RBFOX1: variants seen among roughly 807,000 people sequenced by gnomAD.
RBFOX1 encodes RNA binding fox-1 homolog 1.
A neutral mutation model predicts 57.7 loss-of-function variants in RBFOX1; 8 were observed. The observed-to-expected ratio is 0.14, with a 90% CI of 0.08 to 0.25. RBFOX1 has a LOEUF of 0.25. Ranked by LOEUF, RBFOX1 falls within the 10% of genes least tolerant of loss-of-function variation. RBFOX1 has a pLI of 1.00. For synonymous variants in RBFOX1, 326 were observed against 222.4 expected, an observed-to-expected ratio of 1.47 and a Z score of -4.15; for missense variants, 611 against 548.5, an observed-to-expected ratio of 1.11 and a Z score of -1.14.
At position 5,497,638 on chromosome 16, in the gene RBFOX1, A is replaced by AAAAAAAAAAAAAAAAAAAAAAAAAT. The variant is rs71142625; in HGVS notation, c.258+30384_258+30385insAAAAAAAAAAAAAAAAAAAAAAAAT. Among the ~76,000 whole-genome samples the AAAAAAAAAAAAAAAAAAAAAAAAAT allele has an allele frequency of 4.3e-5, 6 of 139,402 alleles. 1 individual carries two copies. The South Asian group carries it at 6.7e-4, about 16-fold the overall frequency. The allele number at this position is 139,402 out of a possible 152,430, so 91.5% of individuals were successfully genotyped here. A position where few individuals can be genotyped will look rare whatever the true frequency, so the allele number is the denominator to read the frequency against. On this transcript the variant is annotated intron_variant, in intron 2 of 2. Coordinates refer to the RBFOX1 transcript ENST00000585867. ...CTAAAAATACAAAAAAAAAAAAAAA[A>AAAAAAAAAAAAAAAAAAAAAAAAAT]GCTGGGCATGGTGGCACACACTCCC...
intron 2 of RBFOX1, among the ~76,000 whole-genome samples, chr16:5,508,936 C>T (rs562958763): frequency 6.6e-6 from 1 of 152,160 alleles, no homozygotes; most frequent in African/African-American, 2.4e-5. Context: ...GCATAGGAAC[C>T]CTCTACGTCT....
intron 7 of RBFOX1, among the ~76,000 whole-genome samples, chr16:7,588,843 A>C (rs1003047781): frequency 6.6e-6 from 1 of 152,098 alleles, no homozygotes; most frequent in Non-Finnish European, 1.5e-5. Flanking sequence ...AACTAGGATG[A>C]TGTTGATCAT....
At chr16:6,414,779 T>C (rs938147510) in intron 2 of RBFOX1, among the ~76,000 whole-genome samples, 3 of 152,154 alleles carry the variant, frequency 2.0e-5, no homozygotes, top group East Asian at 3.8e-4. Flanking sequence ...TTACTTTTAG[T>C]GGACATTTGG....
chr16:5,935,642 G>A (rs1039101439), intron 4 of RBFOX1, among the ~76,000 whole-genome samples: 35 of 152,306 alleles, frequency 2.3e-4, no homozygotes, highest in African/African-American at 8.2e-4. Context: ...TAGTCTCTAG[G>A]AATTAGCTGA....
intron 10 of RBFOX1, among the ~76,000 whole-genome samples, chr16:7,630,296 C>T (rs558274783): frequency 2.0e-5 from 3 of 152,136 alleles, no homozygotes; most frequent in South Asian, 2.1e-4. Context: ...TCTCAAGTTC[C>T]CTTTTCAGTA....
At position 6,109,120 on chromosome 16, in the gene RBFOX1, C is replaced by T. The variant is rs558571367; in HGVS notation, c.-127+89128C>T. Among the ~76,000 whole-genome samples the T allele has an allele frequency of 3.3e-5, 5 of 152,250 alleles. No homozygotes were observed. In the South Asian group the frequency reaches 1.0e-3, roughly 32 times the overall value. On this transcript the variant is annotated intron_variant, in intron 1 of 15. Transcript: ENST00000550418. ...TTTAGTCTTAATGGTTTTATCATGC[C>T]ATGTACATAACCACTGTCAGTATCA...
chr16:6,296,968 G>T (rs896605048), intron 1 of RBFOX1, among the ~76,000 whole-genome samples: 3 of 152,224 alleles, frequency 2.0e-5, no homozygotes, highest in South Asian at 4.1e-4. Context: ...TAGCCCCAAG[G>T]GCTACTGGTT....
chr16:7,511,722 G>C (rs1253003939), intron 4 of RBFOX1, among the ~76,000 whole-genome samples: 1 of 152,106 alleles, frequency 6.6e-6, no homozygotes, highest in Non-Finnish European at 1.5e-5. Flanking sequence ...CTTAAGTAAT[G>C]ACAGGTTTCC....
intron 4 of RBFOX1, among the ~76,000 whole-genome samples, chr16:7,191,814 C>G (rs770462864): frequency 6.6e-5 from 10 of 152,198 alleles, no homozygotes; most frequent in Admixed American, 2.6e-4. Flanking sequence ...GCATAGCCTT[C>G]TAACCATTGA....
intron 7 of RBFOX1, among the ~76,000 whole-genome samples, chr16:7,593,381 T>A (rs1390766929): frequency 1.3e-5 from 2 of 152,162 alleles, no homozygotes; most frequent in Non-Finnish European, 2.9e-5. Context: ...CTTTTTTCCC[T>A]TTGAAGAACA....
intron 3 of RBFOX1, among the ~76,000 whole-genome samples, chr16:6,910,980 C>T (rs982734787): frequency 1.1e-4 from 17 of 152,048 alleles, no homozygotes; most frequent in African/African-American, 4.1e-4. Context: ...ACAGGCGGAT[C>T]ACTTGAGGTC....
chr16:7,629,121 TG>T (rs1348562282), intron 10 of RBFOX1, among the ~76,000 whole-genome samples: 1 of 152,172 alleles, frequency 6.6e-6, no homozygotes, highest in East Asian at 1.9e-4. Context: ...AAAAAGACCA[TG>T]GGACATTCCT....
chr16:6,440,576 C>T (rs1027759944), intron 2 of RBFOX1, among the ~76,000 whole-genome samples: 1 of 151,872 alleles, frequency 6.6e-6, no homozygotes, highest in Non-Finnish European at 1.5e-5. Flanking sequence ...CTGAGGCAGG[C>T]GGATCACGAG....
intron 2 of RBFOX1, among the ~76,000 whole-genome samples, chr16:6,584,760 C>G (rs759612730): frequency 2.6e-5 from 4 of 152,122 alleles, no homozygotes; most frequent in Non-Finnish European, 5.9e-5. Flanking sequence ...TTGCCACCCA[C>G]CAAGGCAGGA....
At chr16:7,279,475 G>C (rs2095501453) in intron 4 of RBFOX1, among the ~76,000 whole-genome samples, 1 of 152,200 alleles carries the variant, frequency 6.6e-6, no homozygotes, top group South Asian at 2.1e-4. Context: ...ACTCAGGCCT[G>C]AGCGCAGCGT....
chr16:5,817,178 CTG>C lies in RBFOX1; in HGVS notation c.319-50113_319-50112del, dbSNP rs145780304. 3.9e-5 allele frequency among the ~76,000 whole-genome samples: 6 copies of C among 152,110 alleles called. No individual in the cohort carries two copies. In the East Asian group the frequency reaches 9.7e-4, roughly 25 times the overall value. ...TCTTGTGCACTCTCTCTCTATCTCTCTGTGTGTGTGTGTTTGTGTGTGTGTTG... is the reference window on the plus strand; with the variant it reads ...TCTTGTGCACTCTCTCTCTATCTCTCTGTGTGTGTGTTTGTGTGTGTGTTG... On this transcript the variant is annotated intron_variant, in intron 3 of 19. Transcript: ENST00000641259.
chr16:6,556,235 C>A, intron 2 of RBFOX1, among the ~76,000 whole-genome samples: 1 of 152,192 alleles, frequency 6.6e-6, no homozygotes, highest in East Asian at 1.9e-4. Flanking sequence ...TCTCTATCTA[C>A]TTATCACGGA....
chr16:7,201,042 A>G (rs1313863574), intron 4 of RBFOX1, among the ~76,000 whole-genome samples: 1 of 152,228 alleles, frequency 6.6e-6, no homozygotes, highest in East Asian at 1.9e-4. Flanking sequence ...TAGCAACCAA[A>G]TTGAATTTTA....
chr16:5,909,089 C>CTTTTTTTT (rs1168067500), intron 4 of RBFOX1, among the ~76,000 whole-genome samples: 47 of 79,436 alleles, frequency 5.9e-4, no homozygotes, highest in African/African-American at 1.6e-3. Flanking sequence ...ACTAAGCCCC[C>CTTTTTTTT]CTTTTTTTTT....
Sources: gnomAD v4.1 joint callset for allele counts (sites outside exome capture counted in the v4.1 genomes callset) on GRCh38, gnomAD v4.1.1 for gene constraint, MANE v1.5 for transcripts, NCBI Gene and HGNC (gene_info 2026-07-23, HGNC 2026-07-21) for gene names.